Variants in M1AP observed in about 807,000 individuals in gnomAD.
M1AP encodes the protein meiosis 1 associated protein.
A neutral mutation model predicts 51.2 loss-of-function variants in M1AP; 39 were observed. The observed-to-expected ratio is 0.76, with a 90% confidence interval of 0.59 to 1.00. The LOEUF is 1.00. Among genes scored for constraint, M1AP ranks in the 50% least tolerant of loss-of-function variants. The probability of loss-of-function intolerance (pLI) is 0.00; values close to 1 mark genes in which losing one functional copy is unlikely to be tolerated. For missense variants in M1AP, 545 were observed against 641.2 expected (o/e 0.85, Z 1.62); for synonymous variants, 251 against 249.2 (o/e 1.01, Z -0.07).
chr2:74,578,696 G>A (rs969746317), intron 5 of M1AP, among the ~76,000 whole-genome samples: 4 of 152,124 alleles, frequency 2.6e-5, no homozygotes, highest in Admixed American at 2.0e-4. Flanking sequence ...TCAGAGGAAC[G>A]CCTTTCTAAG....
chr2:74,569,073 A>G (rs901171548), intron 7 of M1AP, among the ~76,000 whole-genome samples: 18 of 152,204 alleles, frequency 1.2e-4, no homozygotes, highest in African/African-American at 4.3e-4. Flanking sequence ...TAAGTGATCC[A>G]GGTATTGGGG....
chr2:74,623,191 A>G (rs1682169520), intron 2 of M1AP, among the ~76,000 whole-genome samples: 1 of 152,174 alleles, frequency 6.6e-6, no homozygotes. Context: ...ACCTAAAAAC[A>G]GTAATAATTG....
At chr2:74,640,427 G>C in intron 1 of M1AP, 100 bp from the exon 2 acceptor site, 1 of 974,008 alleles carries the variant, frequency 1.0e-6, no homozygotes, top group South Asian at 1.7e-5. Flanking sequence ...CCAGAAAGGA[G>C]TCAGATTGGG....
In M1AP at chr2:74,646,401, T is replaced by C. The variant is rs78936518; in HGVS notation, c.-53+1864A>G. On this transcript the variant is annotated intron_variant, in intron 1 of 10. Coordinates refer to ENST00000421985, the MANE Select transcript of M1AP (RefSeq NM_001321739.2). ...GACACTGCCTCCACCTGATAGACTC[T>C]AGAGAAGCAGCCAGAGGAATTTAGT... 4.7e-4 allele frequency among the ~76,000 whole-genome samples: 71 copies of C among 152,170 alleles called. 4 individuals carry two copies. In the East Asian group the frequency reaches 0.013, roughly 28 times the overall value.
At chr2:74,559,892 A>G (rs1371107301) in intron 9 of M1AP, among the ~76,000 whole-genome samples, 183 bp from the exon 10 acceptor site, 3 of 152,210 alleles carry the variant, frequency 2.0e-5, no homozygotes, top group Non-Finnish European at 4.4e-5. Flanking sequence ...GCTTAATGGG[A>G]CAATGGTCTG....
At position 74,627,771 on chromosome 2, in the gene M1AP, A is replaced by G. The variant is rs148173778; in HGVS notation, c.240+12265T>C. On this transcript the variant is annotated intron_variant, in intron 2 of 10. Coordinates refer to ENST00000421985, the MANE Select transcript of M1AP (RefSeq NM_001321739.2). ...GAAACTAGTTAATACCACTAGCCCT[A>G]ATTTGGTTTTCACTTGCTTGCATTT... 2.2e-4 allele frequency among the ~76,000 whole-genome samples: 33 copies of G among 152,296 alleles called. 1 individual carries two copies. The East Asian group carries it at 6.4e-3, about 29-fold the overall frequency.
At chr2:74,629,027 A>G (rs999631728) in intron 2 of M1AP, 2 of 190,310 alleles carry the variant, frequency 1.1e-5, no homozygotes, top group Admixed American at 5.7e-5. Context: ...TCCATTAAGA[A>G]CAATACTAAC....
intron 1 of M1AP, among the ~76,000 whole-genome samples, chr2:74,645,167 G>A (rs1045434256): frequency 6.6e-6 from 1 of 151,814 alleles, no homozygotes; most frequent in African/African-American, 2.4e-5. Context: ...CACACACGCC[G>A]CCTTAAGAGC....
chr2:74,617,441 T>C (rs941002004), intron 2 of M1AP, among the ~76,000 whole-genome samples: 2 of 152,208 alleles, frequency 1.3e-5, no homozygotes, highest in African/African-American at 4.8e-5. Context: ...AACCAAATAC[T>C]GCATGTTCTG....
At chr2:74,585,378 C>T (rs897828312) in intron 4 of M1AP, among the ~76,000 whole-genome samples, 1 of 152,148 alleles carries the variant, frequency 6.6e-6, no homozygotes, top group African/African-American at 2.4e-5. Context: ...CTGGCTTATC[C>T]TTTAGTCTTG....
chr2:74,598,585 C>T (rs1475152832), intron 4 of M1AP, among the ~76,000 whole-genome samples: 1 of 151,308 alleles, frequency 6.6e-6, no homozygotes, highest in African/African-American at 2.4e-5. Context: ...TGATATTCCA[C>T]CAAACATTCC....
In M1AP at chr2:74,558,701, T is replaced by C. The variant is rs748404120; in HGVS notation, c.*15A>G. 6.2e-7 allele frequency: 1 copy of C among 1,611,564 alleles called. No individual in the cohort carries two copies. The highest frequency in any genetic ancestry group is 8.5e-7 in the Non-Finnish European group (1 of 1,178,994). ...ATATGGTTAAGCTGGGCAGCTGGGCTCTGGTGCTGGTGACTTAGGGCCTTG... is the reference window on the plus strand; with the variant it reads ...ATATGGTTAAGCTGGGCAGCTGGGCCCTGGTGCTGGTGACTTAGGGCCTTG... On this transcript the variant is annotated 3_prime_UTR_variant, in exon 11 of 11. Transcript: ENST00000421985.
chr2:74,568,704 G>GA (rs1346049760), intron 7 of M1AP, among the ~76,000 whole-genome samples: 1 of 152,214 alleles, frequency 6.6e-6, no homozygotes, highest in African/African-American at 2.4e-5. Flanking sequence ...CCAAAAAGTA[G>GA]AATGTTTTAG....
intron 5 of M1AP, 141 bp from the exon 6 acceptor site, chr2:74,576,759 AG>A: frequency 3.3e-6 from 4 of 1,217,100 alleles, no homozygotes; most frequent in Non-Finnish European, 4.5e-6. Context: ...GGATAGGAGG[AG>A]GCAGGAGAGT....
chr2:74,598,283 G>T (rs925313478), intron 4 of M1AP, among the ~76,000 whole-genome samples: 3 of 152,174 alleles, frequency 2.0e-5, no homozygotes, highest in African/African-American at 7.2e-5. Flanking sequence ...TCAGGAGGCT[G>T]AGGCAGGAGC....
At chr2:74,623,296 G>T (rs1682178632) in intron 2 of M1AP, among the ~76,000 whole-genome samples, 1 of 152,094 alleles carries the variant, frequency 6.6e-6, no homozygotes, top group Admixed American at 6.6e-5. Flanking sequence ...TTGAGCTCAA[G>T]AGTTCAAGAC....
At chr2:74,620,098 T>C (rs1681915575) in intron 2 of M1AP, among the ~76,000 whole-genome samples, 2 of 152,232 alleles carry the variant, frequency 1.3e-5, no homozygotes, top group Non-Finnish European at 2.9e-5. Flanking sequence ...ACTTCCTTGT[T>C]CAGTTAAGTT....
rs1677818824 is a variant in M1AP, at chr2:74,560,219, G to C, written c.1354C>G (p.Leu452Val). The part of the protein sequence containing the change: ...LHVQSHLYSH[L>V]SSIYAKPQGR... The stretch of plus-strand genomic sequence containing the variant: ...TGAGGCTTGGCATAGATGCTGCTCA[G>C]GTGTGAGTACAGGTGGCTTTGAACA... Residue 452 changes from leucine (L) to valine (V), a missense_variant, in exon 9 of 11, where the codon CTG becomes GTG. By Grantham distance (32) the Leu-to-Val change is conservative. Coordinates refer to ENST00000421985, the MANE Select transcript of M1AP (RefSeq NM_001321739.2). 1 of 1,614,000 alleles carries C rather than the reference G, an allele frequency of 6.2e-7. No homozygotes were observed. The highest frequency in any genetic ancestry group is 8.5e-7 in the Non-Finnish European group (1 of 1,179,984).
rs1342481736 is a variant in M1AP at position 74,558,182 on chromosome 2, C to G, written c.*534G>C. On this transcript the variant is annotated 3_prime_UTR_variant, in exon 11 of 11. Transcript: ENST00000421985. ...CCCCTGTTCTGGGCAGCCCTCCCAC[C>G]CCCCAGCACACACACTTTGCATGTA... The G allele has an allele frequency of 6.5e-6, 1 of 154,420 alleles. No homozygotes were observed. 9.6% of individuals were successfully genotyped at this position (154,420 alleles called of 1,614,324 possible).
Sources: allele counts gnomAD v4.1 joint callset (sites outside exome capture counted in the v4.1 genomes callset), GRCh38; gene constraint gnomAD v4.1.1; transcripts MANE v1.5; gene names NCBI Gene and HGNC (gene_info 2026-07-23, HGNC 2026-07-21).